SLC24A2: variants seen among roughly 807,000 people sequenced by gnomAD.
SLC24A2 encodes the protein sodium/potassium/calcium exchanger 2.
SLC24A2 carries 36 observed loss-of-function variants against 62.0 expected under a neutral mutation model. The observed-to-expected ratio is 0.58, with a 90% CI of 0.44 to 0.77. The LOEUF (loss-of-function observed/expected upper bound fraction) is 0.77, where lower values mean the gene tolerates loss of function less well. Among genes scored for constraint, SLC24A2 ranks in the 30% least tolerant of loss-of-function variants. The probability of loss-of-function intolerance (pLI) is 0.00; values close to 1 mark genes in which losing one functional copy is unlikely to be tolerated. For missense variants in SLC24A2, 846 were observed against 817.9 expected (o/e 1.03, Z -0.42); for synonymous variants, 358 against 294.0 (o/e 1.22, Z -2.23).
At position 19,659,301 on chromosome 9, in the gene SLC24A2, A is replaced by G. The variant is rs532608215; in HGVS notation, c.931-37002T>C. Among the ~76,000 whole-genome samples the G allele has an allele frequency of 3.3e-5, 5 of 152,276 alleles. No homozygotes were observed. The East Asian group carries it at 9.7e-4, about 29-fold the overall frequency. On this transcript the variant is annotated intron_variant, in intron 2 of 10. Transcript: ENST00000341998. ...CCTTACAGGTTTCAGAGGTAGCATC[A>G]CCCTTCCAGCACCTTGATTTCAGGC...
chr9:20,215,111 T>C, the SLC24A2 span, among the ~76,000 whole-genome samples: 1,476 of 152,306 alleles, frequency 9.7e-3, 26 homozygotes, highest in African/African-American at 0.032. Flanking sequence ...CGTTGGCAGA[T>C]GTAGTGTCTG....
At chr9:20,205,677 A>AT in the SLC24A2 span, among the ~76,000 whole-genome samples, 1 of 149,536 alleles carries the variant, frequency 6.7e-6, no homozygotes. Flanking sequence ...AAAAAAAACA[A>AT]ACAAAAAAAC....
At chr9:19,866,116 C>T in the SLC24A2 span, among the ~76,000 whole-genome samples, 1 of 152,150 alleles carries the variant, frequency 6.6e-6, no homozygotes, top group African/African-American at 2.4e-5. Context: ...CATCATTAAA[C>T]ATCAGAGAAA....
chr9:19,990,922 G>GATATATATATATATATAT, the SLC24A2 span, among the ~76,000 whole-genome samples: 285 of 120,758 alleles, frequency 2.4e-3, 4 homozygotes, highest in African/African-American at 8.4e-3. Context: ...GGACTAATAG[G>GATATATATATATATATAT]ATATATATAT....
chr9:19,813,275 G>A, the SLC24A2 span, among the ~76,000 whole-genome samples: 2 of 147,272 alleles, frequency 1.4e-5, no homozygotes, highest in African/African-American at 5.0e-5. Context: ...GAGAGAAGCA[G>A]TTGCAAATGA....
chr9:20,189,624 G>A, the SLC24A2 span, among the ~76,000 whole-genome samples: 3 of 152,238 alleles, frequency 2.0e-5, no homozygotes, highest in East Asian at 5.8e-4. Context: ...ATTAAAAGTG[G>A]AGCTCTCAAC....
At chr9:20,016,922 T>C in the SLC24A2 span, among the ~76,000 whole-genome samples, 4 of 152,214 alleles carry the variant, frequency 2.6e-5, no homozygotes, top group African/African-American at 4.8e-5. Flanking sequence ...TATACGAATA[T>C]GCATTTAAGG....
At chr9:20,249,117 T>C in the SLC24A2 span, among the ~76,000 whole-genome samples, 2 of 152,202 alleles carry the variant, frequency 1.3e-5, no homozygotes, top group Admixed American at 1.3e-4. Context: ...TTTGGGTAAG[T>C]TGATTAATCT....
At chr9:20,003,567 G>A in the SLC24A2 span, among the ~76,000 whole-genome samples, 1 of 151,888 alleles carries the variant, frequency 6.6e-6, no homozygotes, top group African/African-American at 2.4e-5. Context: ...CCCCCCAAAT[G>A]TTCAAAAACG....
In SLC24A2 at chr9:19,556,405, A is replaced by G. The variant is rs146378763; in HGVS notation, c.1348-6137T>C. Among the ~76,000 whole-genome samples the G allele has an allele frequency of 2.7e-3, 404 of 152,328 alleles. 2 individuals are homozygous for G. The highest frequency in any genetic ancestry group is 9.4e-3 in the African/African-American group (393 of 41,592). On this transcript the variant is annotated intron_variant, in intron 7 of 10. Transcript: ENST00000341998. The stretch of plus-strand genomic sequence containing the variant: ...TATTTTTTGTCTGTGAAGGGCACTG[A>G]GCAAGATTCCAGAGTGAAGGTGAGC...
chr9:19,530,173 T>C (rs1342738168), intron 8 of SLC24A2, among the ~76,000 whole-genome samples: 1 of 151,856 alleles, frequency 6.6e-6, no homozygotes, highest in East Asian at 1.9e-4. Flanking sequence ...TTCCAAGGCA[T>C]TTAGCTTATT....
intron 2 of SLC24A2, among the ~76,000 whole-genome samples, chr9:19,664,109 G>C (rs1313671346): frequency 6.6e-6 from 1 of 152,196 alleles, no homozygotes; most frequent in Non-Finnish European, 1.5e-5. Flanking sequence ...GTCACATCAC[G>C]CATAGATTAA....
chr9:20,173,936 G>A, the SLC24A2 span, among the ~76,000 whole-genome samples: 2 of 151,786 alleles, frequency 1.3e-5, no homozygotes, highest in African/African-American at 4.8e-5. Flanking sequence ...ATCACATTAT[G>A]TAATTTCAAA....
the SLC24A2 span, among the ~76,000 whole-genome samples, chr9:20,294,665 A>C: frequency 2.0e-5 from 3 of 152,228 alleles, no homozygotes; most frequent in Non-Finnish European, 4.4e-5. Context: ...TCCTTAAAGA[A>C]GAAACCAGTA....
chr9:19,763,057 T>G (rs1343564987), intron 2 of SLC24A2, among the ~76,000 whole-genome samples: 1 of 152,194 alleles, frequency 6.6e-6, no homozygotes, highest in African/African-American at 2.4e-5. Flanking sequence ...GTTGTATTCC[T>G]AGGTATTTTA....
rs117941824 is a variant in SLC24A2, at chr9:19,532,216, G to A, written c.1480-4078C>T. On this transcript the variant is annotated intron_variant, in intron 8 of 10. Transcript: ENST00000341998. ...TCCTACCTCAGCCTCCTGAGGTAGG[G>A]TTTACAGGCATGGGATTACAGGGAT... Among the ~76,000 whole-genome samples, 5 of 152,180 alleles carry A rather than the reference G, an allele frequency of 3.3e-5. No homozygotes were observed. In the East Asian group the frequency reaches 9.7e-4, roughly 29 times the overall value.
At chr9:19,867,539 T>G in the SLC24A2 span, among the ~76,000 whole-genome samples, 4 of 152,206 alleles carry the variant, frequency 2.6e-5, no homozygotes, top group Admixed American at 6.5e-5. Flanking sequence ...CCTCTTTCAT[T>G]CCTGATTTTG....
intron 2 of SLC24A2, among the ~76,000 whole-genome samples, chr9:19,712,450 C>T (rs1391348869): frequency 6.6e-6 from 1 of 152,134 alleles, no homozygotes; most frequent in Non-Finnish European, 1.5e-5. Context: ...CCACCAAAAC[C>T]CATTCAGCTG....
chr9:19,776,762 G>C (rs1587311165), intron 2 of SLC24A2, among the ~76,000 whole-genome samples: 2 of 152,184 alleles, frequency 1.3e-5, no homozygotes, highest in African/African-American at 4.8e-5. Context: ...GCTAGACTCT[G>C]GTCTTCTGTT....
Sources: gnomAD v4.1 joint callset for allele counts (sites outside exome capture counted in the v4.1 genomes callset) on GRCh38, gnomAD v4.1.1 for gene constraint, MANE v1.5 for transcripts, NCBI Gene and HGNC (gene_info 2026-07-23, HGNC 2026-07-21) for gene names.